PRKCI: variants seen among roughly 807,000 people sequenced by gnomAD.
PRKCI encodes protein kinase C iota.
Under a neutral mutation model 84.0 loss-of-function variants are expected in PRKCI, and 43 were observed. The ratio of observed to expected loss-of-function variants is 0.51; its 90% CI spans 0.40 to 0.66. The LOEUF is 0.66. PRKCI is among the 30% of genes least tolerant of loss of function. The pLI is 0.00. For missense variants in PRKCI, 459 were observed against 745.6 expected, an observed-to-expected ratio of 0.62 and a Z score of 4.48; for synonymous variants, 216 against 234.4, an observed-to-expected ratio of 0.92 and a Z score of 0.72.
chr3:170,275,190 T>A lies in PRKCI; in HGVS notation c.647-39T>A, dbSNP rs1311399071. The stretch of plus-strand genomic sequence containing the variant: ...TTGCTGTTTTTTTCTCCTGCACCTT[T>A]TTTTTTTTTTTTTTTAATGTTTGGT... On this transcript the variant is annotated intron_variant, in intron 7 of 17. Coordinates refer to ENST00000295797, the MANE Select transcript of PRKCI (RefSeq NM_002740.6). 9.6e-6 allele frequency: 9 copies of A among 937,230 alleles called. No homozygotes were observed. The South Asian group carries it at 1.9e-4, about 20-fold the overall frequency. 58.1% of individuals were successfully genotyped at this position (937,230 alleles called of 1,614,324 possible).
chr3:170,244,516 A>G (rs1048927787), intron 2 of PRKCI, among the ~76,000 whole-genome samples: 3 of 152,000 alleles, frequency 2.0e-5, no homozygotes, highest in Non-Finnish European at 4.4e-5. Flanking sequence ...CTGGCTGTTC[A>G]TTTGTATCCT....
rs1368584618 is a variant in PRKCI at position 170,303,167 on chromosome 3, T to G, written c.*40T>G. 54 of 1,456,670 alleles carry G rather than the reference T, an allele frequency of 3.7e-5. No homozygotes were observed. Among genetic ancestry groups the G allele is most frequent in the Non-Finnish European group, 4.6e-5 (49 of 1,060,262 alleles). 90.2% of individuals were successfully genotyped at this position (1,456,670 alleles called of 1,614,324 possible). Reference sequence around the variant, plus strand: ...CCATGTATTCTACTCATGTTGCCATTTAATGCATGGATAAACTTGCTGCAA... The same window carrying G: ...CCATGTATTCTACTCATGTTGCCATGTAATGCATGGATAAACTTGCTGCAA... On this transcript the variant is annotated 3_prime_UTR_variant, in exon 18 of 18. Transcript: ENST00000295797.
In PRKCI at chr3:170,284,509, A is replaced by G; in HGVS notation, c.1116A>G (p.Arg372=). Residue 372 remains arginine (R), a synonymous_variant, in exon 12 of 18, where the codon CGA becomes CGG. Coordinates refer to ENST00000295797, the MANE Select transcript of PRKCI (RefSeq NM_002740.6). ...TAGCATTAAATTATCTTCATGAGCG[A>G]GGGATAATTTATAGAGATTTGAAAC... ...ISLALNYLHE[R]GIIYRDLKLD... The G allele has an allele frequency of 6.2e-7, 1 of 1,602,040 alleles. No homozygotes were observed. Among genetic ancestry groups the G allele is most frequent in the Non-Finnish European group, 8.5e-7 (1 of 1,169,914 alleles).
intron 3 of PRKCI, among the ~76,000 whole-genome samples, chr3:170,261,911 A>G (rs1344100010): frequency 6.6e-6 from 1 of 152,236 alleles, no homozygotes; most frequent in Non-Finnish European, 1.5e-5. Context: ...TAAAATTACA[A>G]TGAATGCATA....
At chr3:170,234,046 T>TTTTTA in intron 1 of PRKCI, among the ~76,000 whole-genome samples, 1 of 145,106 alleles carries the variant, frequency 6.9e-6, no homozygotes, top group East Asian at 2.1e-4. Context: ...TTTTTTTTTT[T>TTTTTA]TTTTGAGATG....
chr3:170,286,811 CT>C (rs74869773), intron 12 of PRKCI, among the ~76,000 whole-genome samples: 17,583 of 139,752 alleles, frequency 0.13, 1,251 homozygotes, highest in Middle Eastern at 0.26. Flanking sequence ...TTTTTACTTT[CT>C]TTTTTTTTTT....
At chr3:170,238,065 A>G (rs1733025253) in intron 2 of PRKCI, among the ~76,000 whole-genome samples, 1 of 152,012 alleles carries the variant, frequency 6.6e-6, no homozygotes, top group South Asian at 2.1e-4. Flanking sequence ...CATGGCCTTA[A>G]AAAAAAATTA....
intron 14 of PRKCI, among the ~76,000 whole-genome samples, chr3:170,295,637 CTG>C (rs1734670262): frequency 6.7e-6 from 1 of 149,236 alleles, no homozygotes; most frequent in Admixed American, 6.8e-5. Context: ...GATCGTGCCA[CTG>C]TGCTCCAGCC....
chr3:170,259,947 A>G, intron 2 of PRKCI, 22 bp from the exon 3 acceptor site: 1 of 1,527,954 alleles, frequency 6.5e-7, no homozygotes, highest in Non-Finnish European at 9.0e-7. Flanking sequence ...AGTGACCTTT[A>G]CTTTACTTTT....
rs376689346 is a variant in PRKCI, at chr3:170,230,394, G to A, written c.102-4836G>A. On this transcript the variant is annotated intron_variant, in intron 1 of 17. Coordinates refer to ENST00000295797, the MANE Select transcript of PRKCI (RefSeq NM_002740.6). ...CGCCCAGGCTGGAGTGCAGTGGCAC[G>A]ATCCTGGCTCACTGCAGCCTCTGCC... Among the ~76,000 whole-genome samples the A allele has an allele frequency of 4.6e-5, 7 of 152,256 alleles. No individual in the cohort carries two copies. The South Asian group carries it at 6.2e-4, about 14-fold the overall frequency.
In PRKCI at chr3:170,291,731, G is replaced by A. The variant is rs1012484990; in HGVS notation, c.1204-123G>A. On this transcript the variant is annotated intron_variant, in intron 12 of 17. Transcript: ENST00000295797. ...TAATAATAAAGGCAATTGTTCTAGT[G>A]ATGTTAAGTGAGCTTAATGTATCAC... The A allele has an allele frequency of 1.3e-5, 9 of 701,314 alleles. No individual in the cohort carries two copies. The African/African-American group carries it at 1.4e-4, about 11-fold the overall frequency. 43.4% of individuals were successfully genotyped at this position (701,314 alleles called of 1,614,324 possible).
intron 2 of PRKCI, among the ~76,000 whole-genome samples, chr3:170,245,957 T>TGTTTGTTTGTTTG (rs200509231): frequency 4.0e-4 from 56 of 141,462 alleles, no homozygotes; most frequent in South Asian, 1.3e-3. Context: ...TTGTTTTTTT[T>TGTTTGTTTGTTTG]TTTTTTTTTT....
In PRKCI at chr3:170,304,335, G is replaced by A. The variant is rs560028103; in HGVS notation, c.*1208G>A. On this transcript the variant is annotated 3_prime_UTR_variant, in exon 18 of 18. Coordinates refer to ENST00000295797, the MANE Select transcript of PRKCI (RefSeq NM_002740.6). The stretch of plus-strand genomic sequence containing the variant: ...GCTTTTTGTGACTTGATTCAAATGA[G>A]GCACTCATTATTGTTACCAAACTTG... The A allele has an allele frequency of 6.6e-6, 1 of 152,218 alleles. No individual in the cohort carries two copies. The highest frequency in any genetic ancestry group is 2.1e-4 in the South Asian group (1 of 4,828). 9.4% of individuals were successfully genotyped at this position (152,218 alleles called of 1,614,324 possible).
intron 13 of PRKCI, 21 bp from the exon 14 acceptor site, chr3:170,293,362 C>G (rs199804504): frequency 7.5e-5 from 119 of 1,595,584 alleles, no homozygotes; most frequent in Non-Finnish European, 3.4e-6. Flanking sequence ...TAATTTATTG[C>G]TTTAAAATTT....
At chr3:170,283,536 T>C (rs1270054522) in intron 11 of PRKCI, among the ~76,000 whole-genome samples, 5 of 152,222 alleles carry the variant, frequency 3.3e-5, no homozygotes, top group Non-Finnish European at 1.5e-5. Context: ...TGTTCATTTA[T>C]GTTCATTGTG....
chr3:170,295,488 C>G (rs377341751), intron 14 of PRKCI, among the ~76,000 whole-genome samples: 48 of 152,100 alleles, frequency 3.2e-4, no homozygotes, highest in African/African-American at 1.1e-3. Context: ...ACCAGCCCGG[C>G]CAGCATGGTG....
In PRKCI at chr3:170,303,328, A is replaced by T. The variant is rs974338230; in HGVS notation, c.*201A>T. On this transcript the variant is annotated 3_prime_UTR_variant, in exon 18 of 18. Transcript: ENST00000295797. ...AATTAATACTACTAGCTTCCAGACA[A>T]TCATGTCAAAATTTAGTTGAACTGG... The T allele has an allele frequency of 1.1e-5, 4 of 377,592 alleles. No individual in the cohort carries two copies. Among genetic ancestry groups the T allele is most frequent in the African/African-American group, 8.3e-5 (4 of 48,108 alleles). 23.4% of individuals were successfully genotyped at this position (377,592 alleles called of 1,614,324 possible). A position where few individuals can be genotyped will look rare whatever the true frequency, so the allele number is the denominator to read the frequency against.
intron 2 of PRKCI, among the ~76,000 whole-genome samples, chr3:170,250,374 A>G (rs1733410664): frequency 6.6e-6 from 1 of 151,190 alleles, no homozygotes; most frequent in Non-Finnish European, 1.5e-5. Flanking sequence ...GGTTTTTAGT[A>G]TAATCACAGA....
At chr3:170,257,039 GT>G (rs1489085274) in intron 2 of PRKCI, among the ~76,000 whole-genome samples, 18 of 152,096 alleles carry the variant, frequency 1.2e-4, no homozygotes, top group Non-Finnish European at 2.6e-4. Flanking sequence ...GAAGATACTT[GT>G]TAGTTTTTGT....
Sources: gnomAD v4.1 joint callset for allele counts (sites outside exome capture counted in the v4.1 genomes callset) on GRCh38, gnomAD v4.1.1 for gene constraint, MANE v1.5 for transcripts, NCBI Gene and HGNC (gene_info 2026-07-23, HGNC 2026-07-21) for gene names.